The following GRIK2 variants were observed in gnomAD, a reference collection of about 807,000 sequenced individuals.
GRIK2 encodes glutamate ionotropic receptor kainate type subunit 2.
GRIK2 carries 32 observed loss-of-function variants against 100.3 expected under a neutral mutation model. The ratio of observed to expected loss-of-function variants is 0.32; its 90% confidence interval spans 0.24 to 0.43. The LOEUF is 0.43. Among genes scored for constraint, GRIK2 ranks in the 20% least tolerant of loss-of-function variants. The pLI is 1.00. For missense variants in GRIK2, 843 were observed against 1,114.9 expected, an observed-to-expected ratio of 0.76 and a Z score of 3.47; for synonymous variants, 417 against 389.4, an observed-to-expected ratio of 1.07 and a Z score of -0.83.
At chr6:101,659,396 C>G (rs928742713) in intron 4 of GRIK2, among the ~76,000 whole-genome samples, 4 of 152,138 alleles carry the variant, frequency 2.6e-5, no homozygotes, top group Non-Finnish European at 5.9e-5. Context: ...CAGTACCGTG[C>G]TCTTTTGGTT....
At chr6:102,049,077 A>T (rs913490597) in intron 15 of GRIK2, among the ~76,000 whole-genome samples, 20 of 152,128 alleles carry the variant, frequency 1.3e-4, no homozygotes, top group African/African-American at 4.8e-4. Context: ...AAGTGTTCTT[A>T]TAACTCTTGT....
intron 5 of GRIK2, among the ~76,000 whole-genome samples, chr6:101,681,104 C>T (rs1490688111): frequency 6.6e-6 from 1 of 152,066 alleles, no homozygotes; most frequent in Non-Finnish European, 1.5e-5. Flanking sequence ...GAGCATGATG[C>T]TTTTCTTATT....
rs1013724860 is a variant in GRIK2 at position 101,450,673 on chromosome 6, T to G, written c.115+51281T>G. Among the ~76,000 whole-genome samples, 5 of 151,624 alleles carry G rather than the reference T, an allele frequency of 3.3e-5. No homozygotes were observed. In the South Asian group the frequency reaches 8.3e-4, roughly 25 times the overall value. ...ATAGAGTTCATCCTTTTTATCCTGCTATTTAATGTACTTTGATATGGTGTA... is the reference window on the plus strand; with the variant it reads ...ATAGAGTTCATCCTTTTTATCCTGCGATTTAATGTACTTTGATATGGTGTA... On this transcript the variant is annotated intron_variant, in intron 2 of 16. Transcript: ENST00000369134.
intron 2 of GRIK2, among the ~76,000 whole-genome samples, chr6:101,414,878 G>A (rs1435334332): frequency 1.3e-5 from 2 of 152,008 alleles, no homozygotes; most frequent in Non-Finnish European, 2.9e-5. Flanking sequence ...AAGACCACTG[G>A]TAGTCTCTGC....
chr6:101,751,469 G>C (rs1192693739), intron 7 of GRIK2, among the ~76,000 whole-genome samples: 1 of 151,742 alleles, frequency 6.6e-6, no homozygotes, highest in Non-Finnish European at 1.5e-5. Flanking sequence ...ATTATGTTTT[G>C]TATTACTAAA....
intron 14 of GRIK2, among the ~76,000 whole-genome samples, chr6:101,970,712 A>AT (rs1792994233): frequency 6.9e-6 from 1 of 144,334 alleles, no homozygotes; most frequent in African/African-American, 2.9e-5. Flanking sequence ...GAACATCTGT[A>AT]AACATTCTTT....
At chr6:101,823,876 G>GTT (rs796241778) in intron 10 of GRIK2, among the ~76,000 whole-genome samples, 3 of 116,912 alleles carry the variant, frequency 2.6e-5, no homozygotes, top group Admixed American at 9.1e-5. Context: ...TTTTTTTTTT[G>GTT]TTTTTTTTTT....
intron 2 of GRIK2, among the ~76,000 whole-genome samples, chr6:101,475,469 C>T (rs1772179517): frequency 6.6e-6 from 1 of 151,844 alleles, no homozygotes; most frequent in South Asian, 2.1e-4. Flanking sequence ...TAATTTTCAG[C>T]CAGTTTAAAA....
chr6:101,469,058 AG>A (rs1771808071), intron 2 of GRIK2, among the ~76,000 whole-genome samples: 2 of 152,296 alleles, frequency 1.3e-5, no homozygotes, highest in South Asian at 4.1e-4. Context: ...TCTTTCAGAA[AG>A]GTTGAAGGGA....
chr6:102,055,066 T>G (rs889412878), intron 15 of GRIK2, among the ~76,000 whole-genome samples: 3 of 152,200 alleles, frequency 2.0e-5, no homozygotes, highest in African/African-American at 7.2e-5. Context: ...TGTTTTACAA[T>G]GCTGTAAGCT....
chr6:101,680,225 T>C (rs1771145640), intron 5 of GRIK2, among the ~76,000 whole-genome samples: 1 of 152,132 alleles, frequency 6.6e-6, no homozygotes, highest in African/African-American at 2.4e-5. Context: ...CATCTTCTTC[T>C]CCACCATCTC....
intron 10 of GRIK2, among the ~76,000 whole-genome samples, chr6:101,829,704 T>C (rs951308964): frequency 2.0e-5 from 3 of 151,812 alleles, no homozygotes; most frequent in East Asian, 1.9e-4. Context: ...GAAATGTCTT[T>C]ATGAGGAGCA....
At chr6:102,037,508 T>G (rs1313237213) in intron 15 of GRIK2, among the ~76,000 whole-genome samples, 1 of 151,300 alleles carries the variant, frequency 6.6e-6, no homozygotes, top group Non-Finnish European at 1.5e-5. Context: ...TGCCACTGTT[T>G]TTAAATTCTC....
At chr6:102,033,807 G>A (rs1335027) in intron 14 of GRIK2, among the ~76,000 whole-genome samples, 53,140 of 150,920 alleles carry the variant, frequency 0.35, 9,856 homozygotes, top group African/African-American at 0.49. Context: ...TAAAATTCTT[G>A]TTACACCAAT....
chr6:101,712,381 A>T (rs1773780363), intron 7 of GRIK2, among the ~76,000 whole-genome samples: 2 of 151,830 alleles, frequency 1.3e-5, no homozygotes, highest in Non-Finnish European at 2.9e-5. Context: ...GAGAAGCACG[A>T]TTTCAAACAT....
chr6:101,917,127 C>T (rs1011903736), intron 12 of GRIK2, among the ~76,000 whole-genome samples: 1 of 151,530 alleles, frequency 6.6e-6, no homozygotes, highest in Non-Finnish European at 1.5e-5. Context: ...TTATAACTGG[C>T]CCTTCTCAGG....
chr6:101,841,106 G>A (rs1462908975), intron 10 of GRIK2, among the ~76,000 whole-genome samples: 1 of 151,782 alleles, frequency 6.6e-6, no homozygotes, highest in African/African-American at 2.4e-5. Flanking sequence ...CCCTGACCTT[G>A]AAGAGAAACA....
chr6:101,518,915 T>G (rs1222772281), intron 2 of GRIK2, among the ~76,000 whole-genome samples: 1 of 152,170 alleles, frequency 6.6e-6, no homozygotes, highest in African/African-American at 2.4e-5. Flanking sequence ...TAAATGCTGA[T>G]TTTTAAACAA....
chr6:101,734,670 C>T (rs187944159), intron 7 of GRIK2, among the ~76,000 whole-genome samples: 3 of 152,254 alleles, frequency 2.0e-5, no homozygotes, highest in East Asian at 1.9e-4. Flanking sequence ...TAGAAAGAGG[C>T]TGGAGCAGAT....
Sources: gnomAD v4.1 joint callset for allele counts (sites outside exome capture counted in the v4.1 genomes callset) on GRCh38, gnomAD v4.1.1 for gene constraint, MANE v1.5 for transcripts, NCBI Gene and HGNC (gene_info 2026-07-23, HGNC 2026-07-21) for gene names.